Variants in DNM3 observed in about 807,000 individuals in gnomAD.
DNM3 encodes dynamin 3, also known as dynamin-3.
Under a neutral mutation model 101.6 loss-of-function variants are expected in DNM3, and 47 were observed. That is an observed-to-expected ratio of 0.46 (90% confidence interval 0.37 to 0.59). DNM3 has a LOEUF of 0.59. Among genes scored for constraint, DNM3 ranks in the 20% least tolerant of loss-of-function variants. The pLI, the probability that DNM3 is intolerant of heterozygous loss-of-function variation, is 0.00. For missense variants in DNM3, 849 were observed against 1,085.7 expected (o/e 0.78, Z 3.06); for synonymous variants, 385 against 387.9 (o/e 0.99, Z 0.09).
intron 20 of DNM3, among the ~76,000 whole-genome samples, chr1:172,389,442 T>A (rs1416566310): frequency 6.6e-6 from 1 of 151,786 alleles, no homozygotes; most frequent in African/African-American, 2.4e-5. Context: ...ATAAGTGGAT[T>A]TTCAGGCTTA....
chr1:171,907,318 C>A (rs1157268987), intron 1 of DNM3, among the ~76,000 whole-genome samples: 3 of 152,026 alleles, frequency 2.0e-5, no homozygotes, highest in Non-Finnish European at 4.4e-5. Flanking sequence ...ATGGAGAAAC[C>A]CCGTCTCTAC....
downstream of DNM3, among the ~76,000 whole-genome samples, chr1:172,415,695 A>G (rs190472140): frequency 1.0e-3 from 155 of 151,810 alleles, no homozygotes; most frequent in African/African-American, 3.5e-3. Context: ...ATGCCTGGCT[A>G]ATTTTTGCAT....
intron 17 of DNM3, among the ~76,000 whole-genome samples, chr1:172,333,288 G>A (rs1033851382): frequency 4.6e-5 from 7 of 152,186 alleles, no homozygotes; most frequent in African/African-American, 1.4e-4. Flanking sequence ...GGAAGGTGGT[G>A]GCGGGGAGCA....
rs555344028 is a variant in DNM3 at position 172,321,070 on chromosome 1, T to C, written c.1882-2259T>C. Among the ~76,000 whole-genome samples, 6 of 152,328 alleles carry C rather than the reference T, an allele frequency of 3.9e-5. No homozygotes were observed. In the East Asian group the frequency reaches 1.2e-3, roughly 29 times the overall value. On this transcript the variant is annotated intron_variant, in intron 16 of 20. Coordinates refer to ENST00000627582, the MANE Select transcript of DNM3 (RefSeq NM_015569.5). ...TCTGAATTCAGGACTGTCCCAGTCA[T>C]AACTGATGTTTTTAGGTCGGCTTTG...
At chr1:172,382,414 A>G (rs1378131683) in intron 18 of DNM3, among the ~76,000 whole-genome samples, 1 of 152,158 alleles carries the variant, frequency 6.6e-6, no homozygotes, top group East Asian at 1.9e-4. Context: ...AAAGTGGCAC[A>G]TAATTCTGTT....
At chr1:172,291,506 T>G (rs2063915943) in intron 15 of DNM3, among the ~76,000 whole-genome samples, 1 of 152,284 alleles carries the variant, frequency 6.6e-6, no homozygotes, top group Non-Finnish European at 1.5e-5. Context: ...GGTAGTCTCA[T>G]GGATTTGTTG....
At chr1:171,922,711 C>T (rs1379525189) in intron 2 of DNM3, among the ~76,000 whole-genome samples, 1 of 152,192 alleles carries the variant, frequency 6.6e-6, no homozygotes, top group Non-Finnish European at 1.5e-5. Context: ...CACCTTTCCC[C>T]ACCACTCCAG....
At position 172,033,098 on chromosome 1, in the gene DNM3, G is replaced by C. The variant is rs745519739; in HGVS notation, c.689-7G>C. 1.2e-6 allele frequency: 2 copies of C among 1,610,280 alleles called. No homozygotes were observed. The highest frequency in any genetic ancestry group is 1.7e-6 in the Non-Finnish European group (2 of 1,178,290). On this transcript the variant is annotated splice_polypyrimidine_tract_variant and splice_region_variant and intron_variant, in intron 5 of 20. Transcript: ENST00000627582. ...CCCCAACTCCATAGATTTGTGTTTT[G>C]TTTCAGGTTACGTGGGGGTGGTAAA...
At chr1:172,336,021 A>C (rs991508886) in intron 17 of DNM3, among the ~76,000 whole-genome samples, 29 of 152,268 alleles carry the variant, frequency 1.9e-4, no homozygotes, top group African/African-American at 7.0e-4. Context: ...AAACATCCAC[A>C]TTTTAGCTTG....
At chr1:171,873,149 C>A (rs1457792081) in intron 1 of DNM3, among the ~76,000 whole-genome samples, 1 of 152,138 alleles carries the variant, frequency 6.6e-6, no homozygotes, top group Non-Finnish European at 1.5e-5. Context: ...TTGAAGGGAG[C>A]TTCACTAGCT....
intron 4 of DNM3, among the ~76,000 whole-genome samples, chr1:171,990,570 A>C (rs552948986): frequency 6.6e-6 from 1 of 152,242 alleles, no homozygotes; most frequent in South Asian, 2.1e-4. Context: ...TCATGATGGC[A>C]TTCCTGAAAT....
At chr1:172,180,911 C>A (rs931420233) in intron 14 of DNM3, among the ~76,000 whole-genome samples, 10 of 151,980 alleles carry the variant, frequency 6.6e-5, no homozygotes, top group African/African-American at 2.4e-4. Context: ...GGATATAAGG[C>A]AAAATAACAT....
intron 4 of DNM3, among the ~76,000 whole-genome samples, chr1:172,017,023 G>A (rs970448151): frequency 1.3e-5 from 2 of 151,944 alleles, no homozygotes; most frequent in Non-Finnish European, 2.9e-5. Context: ...CAAATTTATG[G>A]GTATACAGTT....
At chr1:171,964,071 CAGTT>C (rs1477295565) in intron 2 of DNM3, among the ~76,000 whole-genome samples, 1 of 152,130 alleles carries the variant, frequency 6.6e-6, no homozygotes, top group African/African-American at 2.4e-5. Context: ...ACCAACATGA[CAGTT>C]AGCAGGCCCT....
At chr1:172,299,452 G>A (rs927037162) in intron 15 of DNM3, among the ~76,000 whole-genome samples, 11 of 152,072 alleles carry the variant, frequency 7.2e-5, no homozygotes, top group Non-Finnish European at 1.6e-4. Flanking sequence ...ATCACATGAC[G>A]CTGAGGTTTG....
At chr1:171,945,101 C>A (rs565175972) in intron 2 of DNM3, among the ~76,000 whole-genome samples, 1 of 151,908 alleles carries the variant, frequency 6.6e-6, no homozygotes, top group East Asian at 1.9e-4. Flanking sequence ...AACTCCTGGG[C>A]TCAAGTAATC....
chr1:172,260,198 T>C (rs1489183528), intron 15 of DNM3, among the ~76,000 whole-genome samples: 2 of 152,162 alleles, frequency 1.3e-5, no homozygotes, highest in African/African-American at 2.4e-5. Context: ...GCTGTTAGTC[T>C]GATGGGGTTC....
chr1:172,187,369 T>G (rs1205348021), intron 14 of DNM3, among the ~76,000 whole-genome samples: 1 of 152,106 alleles, frequency 6.6e-6, no homozygotes, highest in East Asian at 1.9e-4. Flanking sequence ...TAATACAATC[T>G]TAGCATTATA....
At chr1:172,314,389 G>C (rs1303922107) in intron 16 of DNM3, among the ~76,000 whole-genome samples, 1 of 152,152 alleles carries the variant, frequency 6.6e-6, no homozygotes, top group Non-Finnish European at 1.5e-5. Context: ...GTGGGTGCAG[G>C]TCAGTGGGTG....
Sources: gnomAD v4.1 joint callset for allele counts (sites outside exome capture counted in the v4.1 genomes callset) on GRCh38, gnomAD v4.1.1 for gene constraint, MANE v1.5 for transcripts, NCBI Gene and HGNC (gene_info 2026-07-23, HGNC 2026-07-21) for gene names.